Variants in UHRF2 observed in about 807,000 individuals in gnomAD.
The protein encoded by UHRF2 is E3 ubiquitin-protein ligase UHRF2.
In UHRF2, 23 loss-of-function variants were observed where a neutral mutation model predicts 96.8. The observed-to-expected ratio is 0.24, with a 90% CI of 0.17 to 0.34. The LOEUF is 0.34. Ranked by LOEUF, UHRF2 falls within the 10% of genes least tolerant of loss-of-function variation. UHRF2 has a pLI of 1.00. For missense variants in UHRF2, 685 were observed against 981.5 expected (o/e 0.70, Z 4.04); for synonymous variants, 385 against 332.6 (o/e 1.16, Z -1.72).
intron 3 of UHRF2, among the ~76,000 whole-genome samples, chr9:6,456,455 G>A (rs1563770885): frequency 6.6e-6 from 1 of 151,986 alleles, no homozygotes; most frequent in Admixed American, 6.6e-5. Flanking sequence ...TGGATAGATT[G>A]CAAAAATGTT....
At position 6,422,245 on chromosome 9, in the gene UHRF2, C is replaced by G. The variant is rs377080816; in HGVS notation, c.384+1103C>G. Among the ~76,000 whole-genome samples the G allele has an allele frequency of 5.3e-5, 8 of 152,276 alleles. No homozygotes were observed. In the East Asian group the frequency reaches 9.7e-4, roughly 18 times the overall value. Reference sequence around the variant, plus strand: ...TACAGGCGCGTACCACCATGCCTGGCTAATTTTTATATTTCCAGTAGAGAC... The same window carrying G: ...TACAGGCGCGTACCACCATGCCTGGGTAATTTTTATATTTCCAGTAGAGAC... On this transcript the variant is annotated intron_variant, in intron 2 of 15. Transcript: ENST00000276893.
chr9:6,413,324 G>T lies in UHRF2; in HGVS notation c.-167G>T. On this transcript the variant is annotated 5_prime_UTR_variant, in exon 1 of 16. Transcript: ENST00000276893. Reference sequence around the variant, plus strand: ...TCGGCTAGTCGGGCGCGCGCGCTGAGAGTCGTCGCCGCCTGTCGGGCCCGG... The same window carrying T: ...TCGGCTAGTCGGGCGCGCGCGCTGATAGTCGTCGCCGCCTGTCGGGCCCGG... The T allele has an allele frequency of 3.7e-6, 2 of 545,384 alleles. No individual in the cohort carries two copies. Among genetic ancestry groups the T allele is most frequent in the Non-Finnish European group, 5.0e-6 (2 of 397,000 alleles). 33.8% of individuals were successfully genotyped at this position (545,384 alleles called of 1,614,324 possible).
intron 3 of UHRF2, among the ~76,000 whole-genome samples, chr9:6,457,220 C>T (rs994749227): frequency 1.3e-5 from 2 of 152,090 alleles, no homozygotes; most frequent in Non-Finnish European, 2.9e-5. Context: ...TGAGGTCCTT[C>T]ACATCCCTTG....
chr9:6,483,608 A>G (rs1824063840), intron 8 of UHRF2, among the ~76,000 whole-genome samples: 1 of 152,228 alleles, frequency 6.6e-6, no homozygotes, highest in Admixed American at 6.5e-5. Flanking sequence ...ACTGTAATAC[A>G]TAAAAATGGC....
chr9:6,472,834 C>T (rs1015362060), intron 4 of UHRF2, among the ~76,000 whole-genome samples: 2 of 151,960 alleles, frequency 1.3e-5, no homozygotes, highest in African/African-American at 4.8e-5. Context: ...ATTTTGGTGT[C>T]CTTAAGAACT....
intron 11 of UHRF2, among the ~76,000 whole-genome samples, 198 bp downstream of exon 11, chr9:6,497,558 G>C (rs1218841173): frequency 1.3e-5 from 2 of 150,748 alleles, no homozygotes; most frequent in Non-Finnish European, 2.9e-5. Context: ...CGAGTTCCTA[G>C]GGGCAGAGTT....
chr9:6,497,555 C>T (rs887648860), intron 11 of UHRF2, among the ~76,000 whole-genome samples, 195 bp downstream of exon 11: 1 of 149,702 alleles, frequency 6.7e-6, no homozygotes, highest in African/African-American at 2.5e-5. Context: ...TTTCGAGTTC[C>T]TAGGGGCAGA....
At chr9:6,445,674 C>T (rs1821443404) in intron 3 of UHRF2, among the ~76,000 whole-genome samples, 2 of 152,188 alleles carry the variant, frequency 1.3e-5, no homozygotes, top group South Asian at 4.1e-4. Flanking sequence ...CCTCCTACCT[C>T]AGCCTCCTAA....
intron 4 of UHRF2, among the ~76,000 whole-genome samples, chr9:6,467,595 GTTTTTT>G (rs34366483): frequency 3.2e-4 from 32 of 99,158 alleles, no homozygotes; most frequent in African/African-American, 1.2e-3. Context: ...CGAGAGAATA[GTTTTTT>G]TTTTTTTTTT....
chr9:6,458,197 A>C (rs553253897), intron 3 of UHRF2, among the ~76,000 whole-genome samples: 1 of 152,108 alleles, frequency 6.6e-6, no homozygotes, highest in Admixed American at 6.6e-5. Flanking sequence ...TTATTGGTCT[A>C]TTTAGGGATT....
intron 9 of UHRF2, 32 bp downstream of exon 9, chr9:6,486,957 C>G: frequency 6.3e-7 from 1 of 1,591,522 alleles, no homozygotes. Flanking sequence ...CTCATTAGTA[C>G]CTGCCTTGAC....
At chr9:6,459,719 G>A (rs1462111008) in intron 3 of UHRF2, among the ~76,000 whole-genome samples, 5 of 152,200 alleles carry the variant, frequency 3.3e-5, no homozygotes, top group African/African-American at 1.2e-4. Context: ...CATGCCGGTA[G>A]TCCCAGTACT....
At chr9:6,501,303 C>T (rs759908191) in intron 14 of UHRF2, among the ~76,000 whole-genome samples, 10 of 152,264 alleles carry the variant, frequency 6.6e-5, no homozygotes, top group African/African-American at 2.4e-4. Flanking sequence ...TATGAACTAT[C>T]TCTTCATTCT....
At chr9:6,447,828 C>G (rs1821608987) in intron 3 of UHRF2, among the ~76,000 whole-genome samples, 1 of 152,112 alleles carries the variant, frequency 6.6e-6, no homozygotes, top group Admixed American at 6.6e-5. Flanking sequence ...GTACGAGAAG[C>G]CAACAAACAA....
intron 6 of UHRF2, among the ~76,000 whole-genome samples, chr9:6,479,109 A>T (rs1823767406): frequency 6.6e-6 from 1 of 151,912 alleles, no homozygotes; most frequent in African/African-American, 2.4e-5. Flanking sequence ...AATACACACA[A>T]ACCTTCCTTG....
intron 4 of UHRF2, among the ~76,000 whole-genome samples, chr9:6,464,807 A>AC (rs1822762339): frequency 6.6e-6 from 1 of 152,134 alleles, no homozygotes; most frequent in Non-Finnish European, 1.5e-5. Context: ...TCATAATACA[A>AC]CAGAGCACAT....
intron 15 of UHRF2, among the ~76,000 whole-genome samples, 156 bp downstream of exon 15, chr9:6,504,847 C>T (rs948833050): frequency 2.6e-5 from 4 of 151,948 alleles, no homozygotes; most frequent in Non-Finnish European, 5.9e-5. Flanking sequence ...GTGGTAAATG[C>T]ATGTTTTAAT....
At chr9:6,471,796 C>T (rs1056414590) in intron 4 of UHRF2, among the ~76,000 whole-genome samples, 6 of 152,006 alleles carry the variant, frequency 3.9e-5, no homozygotes, top group African/African-American at 1.5e-4. Context: ...TTAAATTGGT[C>T]GGTTAAAGCT....
chr9:6,488,882 G>A (rs1390375994), intron 9 of UHRF2, among the ~76,000 whole-genome samples: 4 of 151,334 alleles, frequency 2.6e-5, no homozygotes, highest in African/African-American at 9.7e-5. Flanking sequence ...ATGCGATTTC[G>A]GCTCACTGCA....
Sources: gnomAD v4.1 joint callset for allele counts (sites outside exome capture counted in the v4.1 genomes callset) on GRCh38, gnomAD v4.1.1 for gene constraint, MANE v1.5 for transcripts, NCBI Gene and HGNC (gene_info 2026-07-23, HGNC 2026-07-21) for gene names.